Variants in SNTG1 observed in about 807,000 individuals in gnomAD.
The protein encoded by SNTG1 is gamma-1-syntrophin.
SNTG1 carries 39 observed loss-of-function variants against 74.7 expected under a neutral mutation model. The observed-to-expected ratio is 0.52, with a 90% CI of 0.40 to 0.68. The LOEUF (loss-of-function observed/expected upper bound fraction) is 0.68, where lower values mean the gene tolerates loss of function less well. Ranked by LOEUF, SNTG1 falls within the 30% of genes least tolerant of loss-of-function variation. SNTG1 has a pLI of 0.00. For synonymous variants in SNTG1, 254 were observed against 217.1 expected (o/e 1.17, Z -1.49); for missense variants, 685 against 609.5 (o/e 1.12, Z -1.30).
At chr8:50,466,564 T>G (rs1239547060) in intron 8 of SNTG1, among the ~76,000 whole-genome samples, 3 of 152,032 alleles carry the variant, frequency 2.0e-5, no homozygotes, top group African/African-American at 7.2e-5. Flanking sequence ...CTTTAAAATA[T>G]CTACAAAATA....
At chr8:50,093,287 T>C (rs1563582247) in intron 1 of SNTG1, among the ~76,000 whole-genome samples, 1 of 152,210 alleles carries the variant, frequency 6.6e-6, no homozygotes, top group Non-Finnish European at 1.5e-5. Flanking sequence ...ATTACAATCT[T>C]ACTGAGATAT....
chr8:50,108,972 G>A (rs1290585550), intron 1 of SNTG1, among the ~76,000 whole-genome samples: 4 of 152,100 alleles, frequency 2.6e-5, no homozygotes, highest in African/African-American at 7.2e-5. Context: ...TGGAAAAGGC[G>A]GGTAGGCAGG....
At chr8:50,633,887 T>G (rs751629) in intron 13 of SNTG1, among the ~76,000 whole-genome samples, 40,071 of 152,112 alleles carry the variant, frequency 0.26, 5,537 homozygotes, top group South Asian at 0.42. Flanking sequence ...TGGAAGGTTG[T>G]TTTTTATTCC....
chr8:50,769,676 A>T (rs1399205155), intron 18 of SNTG1, among the ~76,000 whole-genome samples: 2 of 152,056 alleles, frequency 1.3e-5, no homozygotes, highest in Non-Finnish European at 2.9e-5. Context: ...AAGTTTCTTA[A>T]CTGCATTCAT....
chr8:50,107,910 A>C (rs1423368958), intron 1 of SNTG1, among the ~76,000 whole-genome samples: 1 of 152,176 alleles, frequency 6.6e-6, no homozygotes, highest in Non-Finnish European at 1.5e-5. Flanking sequence ...AAATGAGAAA[A>C]TGTGTAAAAT....
chr8:50,073,971 C>T (rs934054993), intron 1 of SNTG1, among the ~76,000 whole-genome samples: 1 of 149,682 alleles, frequency 6.7e-6, no homozygotes, highest in Non-Finnish European at 1.5e-5. Flanking sequence ...CTTAAGGGCC[C>T]TAGGATTTTC....
At chr8:50,587,203 C>CATATATGTATATACATATATGTAGGT (rs1271050563) in intron 12 of SNTG1, among the ~76,000 whole-genome samples, 27 of 151,404 alleles carry the variant, frequency 1.8e-4, no homozygotes, top group Non-Finnish European at 1.5e-5. Context: ...TGCATACATA[C>CATATATGTATATACATATATGTAGGT]ATATATGTAT....
At chr8:49,957,066 A>G (rs954263050) in intron 1 of SNTG1, among the ~76,000 whole-genome samples, 3 of 152,304 alleles carry the variant, frequency 2.0e-5, no homozygotes, top group Non-Finnish European at 2.9e-5. Context: ...GAGTAAGTTA[A>G]TTCAGTCTTT....
At chr8:50,782,654 C>G (rs1420498493) in intron 18 of SNTG1, among the ~76,000 whole-genome samples, 2 of 152,138 alleles carry the variant, frequency 1.3e-5, no homozygotes, top group Non-Finnish European at 2.9e-5. Flanking sequence ...GTTTGAATTT[C>G]CTCCTTTAGC....
chr8:50,516,593 A>T (rs1481864392), intron 9 of SNTG1, among the ~76,000 whole-genome samples: 1 of 152,118 alleles, frequency 6.6e-6, no homozygotes, highest in Non-Finnish European at 1.5e-5. Context: ...TTTAGAGAAG[A>T]ATATAAATGA....
chr8:50,367,259 T>C (rs1256164391), intron 2 of SNTG1, among the ~76,000 whole-genome samples: 2 of 152,028 alleles, frequency 1.3e-5, no homozygotes, highest in Non-Finnish European at 2.9e-5. Flanking sequence ...GAAACTTTGA[T>C]TTTAGTCTCT....
chr8:50,034,937 T>C (rs949667530), intron 1 of SNTG1, among the ~76,000 whole-genome samples: 1 of 152,140 alleles, frequency 6.6e-6, no homozygotes, highest in African/African-American at 2.4e-5. Context: ...CACCAGTGCC[T>C]AGCACTCCTC....
chr8:50,338,125 C>G (rs1359820817), intron 2 of SNTG1, among the ~76,000 whole-genome samples: 5 of 151,352 alleles, frequency 3.3e-5, no homozygotes, highest in Non-Finnish European at 7.4e-5. Context: ...CAGAGCAAGA[C>G]TCTGTCTCAA....
At chr8:50,331,552 C>A (rs1343572076) in intron 2 of SNTG1, among the ~76,000 whole-genome samples, 2 of 152,132 alleles carry the variant, frequency 1.3e-5, no homozygotes, top group Non-Finnish European at 2.9e-5. Flanking sequence ...TTTTCCATTT[C>A]AGTCTAAATT....
chr8:50,708,645 G>C, intron 16 of SNTG1: 1 of 483,130 alleles, frequency 2.1e-6, no homozygotes, highest in Non-Finnish European at 3.7e-6. Context: ...GACAAAACTA[G>C]AGGGAGCAGG....
At chr8:50,555,950 G>T (rs1015929630) in intron 12 of SNTG1, among the ~76,000 whole-genome samples, 12 of 152,092 alleles carry the variant, frequency 7.9e-5, no homozygotes, top group Non-Finnish European at 1.6e-4. Context: ...TTAGATCAAT[G>T]TGTTGATCAT....
At chr8:50,305,966 A>C (rs1360036791) in intron 2 of SNTG1, among the ~76,000 whole-genome samples, 3 of 151,752 alleles carry the variant, frequency 2.0e-5, no homozygotes, top group African/African-American at 7.3e-5. Flanking sequence ...ACATGGATAA[A>C]TTTTGTAATG....
At chr8:50,232,483 C>T (rs2085679774) in intron 2 of SNTG1, among the ~76,000 whole-genome samples, 2 of 151,364 alleles carry the variant, frequency 1.3e-5, no homozygotes, top group Admixed American at 1.3e-4. Context: ...CAGCTAACTT[C>T]ATACATAATG....
chr8:50,679,089 T>C (rs996101813), intron 15 of SNTG1, among the ~76,000 whole-genome samples: 30 of 152,148 alleles, frequency 2.0e-4, no homozygotes, highest in Non-Finnish European at 7.4e-5. Flanking sequence ...ATATAATCTA[T>C]TAACTGTTTG....
Sources: gnomAD v4.1 joint callset for allele counts (sites outside exome capture counted in the v4.1 genomes callset) on GRCh38, gnomAD v4.1.1 for gene constraint, MANE v1.5 for transcripts, NCBI Gene and HGNC (gene_info 2026-07-23, HGNC 2026-07-21) for gene names.